The following NBEAL1 variants were observed in gnomAD, a reference collection of about 807,000 sequenced individuals.
NBEAL1 encodes neurobeachin-like protein 1.
NBEAL1 carries 273 observed loss-of-function variants against 351.3 expected under a neutral mutation model. The observed-to-expected ratio is 0.78, with a 90% CI of 0.70 to 0.86. NBEAL1 has a LOEUF of 0.86. NBEAL1 is among the 40% of genes least tolerant of loss of function. The pLI is 0.00. For missense variants in NBEAL1, 2,961 were observed against 3,201.3 expected, an observed-to-expected ratio of 0.92 and a Z score of 1.81; for synonymous variants, 1,050 against 1,086.4, an observed-to-expected ratio of 0.97 and a Z score of 0.66.
At chr2:203,023,942 T>C (rs2060810992) in intron 2 of NBEAL1, among the ~76,000 whole-genome samples, 1 of 152,116 alleles carries the variant, frequency 6.6e-6, no homozygotes, top group Non-Finnish European at 1.5e-5. Flanking sequence ...CACGTCTCTG[T>C]TATTTAAATA....
chr2:203,150,609 T>A (rs558236875), intron 34 of NBEAL1, among the ~76,000 whole-genome samples: 1 of 151,986 alleles, frequency 6.6e-6, no homozygotes, highest in Admixed American at 6.6e-5. Flanking sequence ...TTTTTTTGGG[T>A]TTTTTTGGTG....
At chr2:203,197,665 T>A (rs909252318) in intron 48 of NBEAL1, among the ~76,000 whole-genome samples, 1 of 152,150 alleles carries the variant, frequency 6.6e-6, no homozygotes, top group South Asian at 2.1e-4. Context: ...CCCAGCACTT[T>A]GGGAGGCCAA....
chr2:203,138,084 CTATTT>C (rs1467901270), intron 29 of NBEAL1, 73 bp from the exon 30 acceptor site: 35 of 1,334,660 alleles, frequency 2.6e-5, no homozygotes, highest in South Asian at 1.4e-4. Flanking sequence ...GCCTCTCAAG[CTATTT>C]TGTTTTGTTT....
intron 18 of NBEAL1, among the ~76,000 whole-genome samples, chr2:203,120,192 A>G (rs2062797971): frequency 6.6e-6 from 1 of 152,154 alleles, no homozygotes; most frequent in Non-Finnish European, 1.5e-5. Flanking sequence ...TAAGTATTTC[A>G]CGTGTATTGT....
intron 12 of NBEAL1, among the ~76,000 whole-genome samples, chr2:203,101,434 A>T (rs973088174): frequency 2.6e-5 from 4 of 152,086 alleles, no homozygotes; most frequent in African/African-American, 9.7e-5. Flanking sequence ...AGGTAATGTG[A>T]TGCCTCCAGC....
At chr2:203,195,024 C>T (rs552883089) in intron 47 of NBEAL1, among the ~76,000 whole-genome samples, 3 of 151,886 alleles carry the variant, frequency 2.0e-5, no homozygotes, top group East Asian at 1.9e-4. Flanking sequence ...GGTGAAACCC[C>T]GTCTCTACTA....
chr2:203,207,973 C>T (rs1018842027), intron 51 of NBEAL1, among the ~76,000 whole-genome samples: 3 of 152,142 alleles, frequency 2.0e-5, no homozygotes, highest in East Asian at 1.9e-4. Context: ...CCTGAAGCAG[C>T]GATCCCAATA....
chr2:203,059,513 A>G (rs987531681), intron 6 of NBEAL1, among the ~76,000 whole-genome samples: 7 of 152,302 alleles, frequency 4.6e-5, no homozygotes, highest in Non-Finnish European at 7.3e-5. Flanking sequence ...CAAATTGGCA[A>G]TTTAATGTTC....
At chr2:203,033,550 A>C (rs559810362) in intron 2 of NBEAL1, among the ~76,000 whole-genome samples, 1 of 152,336 alleles carries the variant, frequency 6.6e-6, no homozygotes, top group Non-Finnish European at 1.5e-5. Context: ...AAATCTTTCT[A>C]GTAGTAATGG....
chr2:203,115,895 C>G (rs1043871215), intron 17 of NBEAL1, 90 bp from the exon 18 acceptor site: 4 of 800,408 alleles, frequency 5.0e-6, no homozygotes, highest in Admixed American at 5.1e-5. Flanking sequence ...TAGCTTGAAA[C>G]AGCTTAATTT....
At chr2:203,088,838 G>T (rs1350167754) in intron 10 of NBEAL1, among the ~76,000 whole-genome samples, 1 of 152,150 alleles carries the variant, frequency 6.6e-6, no homozygotes, top group Non-Finnish European at 1.5e-5. Flanking sequence ...TTGGGAGATT[G>T]GGAACAAGGG....
chr2:203,028,777 T>C (rs1437486762), intron 2 of NBEAL1, among the ~76,000 whole-genome samples: 1 of 152,128 alleles, frequency 6.6e-6, no homozygotes, highest in Non-Finnish European at 1.5e-5. Flanking sequence ...CCCTTGAATT[T>C]TATATTTTCC....
At chr2:203,113,736 A>T (rs1053361150) in intron 17 of NBEAL1, among the ~76,000 whole-genome samples, 3 of 151,508 alleles carry the variant, frequency 2.0e-5, no homozygotes, top group South Asian at 2.1e-4. Flanking sequence ...TTCCTCGCTT[A>T]TGAGGTGGTT....
rs1559074312 is a variant in NBEAL1, at chr2:203,220,150, A to C, written c.*2796A>C. Among the ~76,000 whole-genome samples the C allele has an allele frequency of 6.6e-6, 1 of 152,332 alleles. No individual in the cohort carries two copies. Among genetic ancestry groups the C allele is most frequent in the Non-Finnish European group, 1.5e-5 (1 of 68,030 alleles). On this transcript the variant is annotated 3_prime_UTR_variant, in exon 56 of 56. Coordinates refer to ENST00000683969, the MANE Select transcript of NBEAL1 (RefSeq NM_001378026.1). ...CATTGGAATGAAATAACAGGTGGAC[A>C]TTTCAATTGGTGAATATAGTATCTC...
intron 28 of NBEAL1, 26 bp from the exon 29 acceptor site, chr2:203,136,568 GTTATT>G (rs766227030): frequency 6.7e-7 from 1 of 1,498,902 alleles, no homozygotes; most frequent in South Asian, 1.2e-5. Context: ...ACACCCTCTA[GTTATT>G]TAAAATTACT....
Position 203,132,072 on chromosome 2 carries a change from A to T in NBEAL1, c.3664A>T (p.Asn1222Tyr). The T allele has an allele frequency of 6.4e-7, 1 of 1,551,470 alleles. No homozygotes were observed. The highest frequency in any genetic ancestry group is 8.7e-7 in the Non-Finnish European group (1 of 1,145,244). Residue 1222 changes from asparagine to tyrosine, a missense_variant, in exon 26 of 56, where the codon AAT becomes TAT. By Grantham distance (143) the Asn-to-Tyr change is moderately radical. Coordinates refer to ENST00000683969, the MANE Select transcript of NBEAL1 (RefSeq NM_001378026.1). The stretch of plus-strand genomic sequence containing the variant: ...CTACTCGGGACTGGGACTCCTTCTT[A>T]ATGAAGCACTTGTTAATACTTCTCT... Reference protein sequence around the residue: ...VGYSGLGLLLNEALVNTSLIK... With the variant: ...VGYSGLGLLLYEALVNTSLIK...
At chr2:203,164,265 A>C (rs181521508) in intron 36 of NBEAL1, among the ~76,000 whole-genome samples, 55 of 151,972 alleles carry the variant, frequency 3.6e-4, no homozygotes, top group African/African-American at 1.3e-3. Flanking sequence ...ATATATATAT[A>C]TTACAAATTG....
intron 2 of NBEAL1, chr2:203,040,477 A>C: frequency 1.4e-6 from 1 of 691,836 alleles, no homozygotes; most frequent in Non-Finnish European, 2.7e-6. Flanking sequence ...TGTAAAAGTC[A>C]ACCCCCAGAA....
chr2:203,046,870 A>C (rs535522409), intron 3 of NBEAL1, among the ~76,000 whole-genome samples: 1 of 152,284 alleles, frequency 6.6e-6, no homozygotes, highest in African/African-American at 2.4e-5. Flanking sequence ...AAGCTCTACC[A>C]TTCCTTAAAA....
Sources: allele counts gnomAD v4.1 joint callset (sites outside exome capture counted in the v4.1 genomes callset), GRCh38; gene constraint gnomAD v4.1.1; transcripts MANE v1.5; gene names NCBI Gene and HGNC (gene_info 2026-07-23, HGNC 2026-07-21).